Variants in ARG1 observed in about 807,000 individuals in gnomAD.
ARG1 encodes the protein arginase-1.
A neutral mutation model predicts 33.0 loss-of-function variants in ARG1; 20 were observed. The observed-to-expected ratio is 0.61, with a 90% CI of 0.43 to 0.88. The LOEUF is 0.88. Among genes scored for constraint, ARG1 ranks in the 40% least tolerant of loss-of-function variants. The probability of loss-of-function intolerance (pLI) is 0.00; values close to 1 mark genes in which losing one functional copy is unlikely to be tolerated. For synonymous variants in ARG1, 146 were observed against 140.6 expected, an observed-to-expected ratio of 1.04 and a Z score of -0.27; for missense variants, 374 against 384.7, an observed-to-expected ratio of 0.97 and a Z score of 0.23.
chr6:131,576,103 T>A (rs1773600305), intron 1 of ARG1, among the ~76,000 whole-genome samples: 1 of 152,228 alleles, frequency 6.6e-6, no homozygotes, highest in Non-Finnish European at 1.5e-5. Flanking sequence ...AGACTCAGCT[T>A]AAACAGCATT....
intron 4 of ARG1, 54 bp from the exon 5 acceptor site, chr6:131,582,567 T>G: frequency 7.3e-7 from 1 of 1,368,976 alleles, no homozygotes; most frequent in Non-Finnish European, 1.0e-6. Flanking sequence ...CCTTTGAATG[T>G]AGGATTTGTT....
intron 4 of ARG1, 80 bp downstream of exon 4, chr6:131,581,458 C>G: frequency 7.0e-7 from 1 of 1,418,620 alleles, no homozygotes. Context: ...ATGAGAAACT[C>G]CATGTTATCT....
chr6:131,581,333 G>C lies in ARG1; in HGVS notation c.420G>C (p.Leu140Phe). ...CACTGACAACCACAAGTGGAAACTT[G>C]CATGGACAACCTGTATCTTTCCTCC... ...NTPLTTTSGN[L>F]HGQPVSFLLK... The change falls in exon 4 of 8, where the codon TTG (leucine) becomes TTC (phenylalanine). Residue 140 changes from leucine (L) to phenylalanine (F), a missense_variant. By Grantham distance (22) the Leu-to-Phe change is conservative. Transcript: ENST00000368087. The C allele has an allele frequency of 6.2e-7, 1 of 1,613,858 alleles. No individual in the cohort carries two copies. The highest frequency in any genetic ancestry group is 1.3e-5 in the African/African-American group (1 of 75,024).
At chr6:131,583,645 C>A in intron 7 of ARG1, 97 bp from the exon 8 acceptor site, 1 of 1,525,670 alleles carries the variant, frequency 6.6e-7, no homozygotes, top group South Asian at 1.2e-5. Flanking sequence ...TCGGTTACTA[C>A]CTTTTTCTGT....
chr6:131,583,146 T>C lies in ARG1; in HGVS notation c.647T>C (p.Leu216Pro), dbSNP rs985150840. 1 of 1,613,780 alleles carries C rather than the reference T, an allele frequency of 6.2e-7. No individual in the cohort carries two copies. Among genetic ancestry groups the C allele is most frequent in the Non-Finnish European group, 8.5e-7 (1 of 1,179,738 alleles). The change falls in exon 6 of 8, where the codon CTC becomes CCC. Residue 216 changes from leucine to proline, a missense_variant. Transcript: ENST00000368087. Reference sequence around the variant, plus strand: ...ATTGGCAAGGTGATGGAAGAAACACTCAGCTATCTACTAGGAAGGTAGGAT... The same window carrying C: ...ATTGGCAAGGTGATGGAAGAAACACCCAGCTATCTACTAGGAAGGTAGGAT... ...LGIGKVMEET[L>P]SYLLGRKKRP...
At chr6:131,578,850 T>C (rs1165030115) in intron 2 of ARG1, among the ~76,000 whole-genome samples, 4 of 152,142 alleles carry the variant, frequency 2.6e-5, no homozygotes, top group Non-Finnish European at 5.9e-5. Flanking sequence ...CTGTTACATT[T>C]TGGTGTCTAG....
In ARG1 at chr6:131,583,129, G is replaced by A. The variant is rs760873925; in HGVS notation, c.630G>A (p.Lys210=). 7 of 1,613,958 alleles carry A rather than the reference G, an allele frequency of 4.3e-6. No homozygotes were observed. The East Asian group carries it at 1.3e-4, about 31-fold the overall frequency. The change falls in exon 6 of 8, where the codon AAG becomes AAA. Residue 210 remains lysine (K), a synonymous_variant. Transcript: ENST00000368087. Reference sequence around the variant, plus strand: ...AAGTGGACAGACTAGGAATTGGCAAGGTGATGGAAGAAACACTCAGCTATC... The same window carrying A: ...AAGTGGACAGACTAGGAATTGGCAAAGTGATGGAAGAAACACTCAGCTATC... ...MTEVDRLGIG[K]VMEETLSYLL...
intron 1 of ARG1, among the ~76,000 whole-genome samples, chr6:131,574,855 C>T (rs76645384): frequency 0.011 from 1,703 of 152,160 alleles, 33 homozygotes; most frequent in African/African-American, 0.039. Context: ...AAAAAAAAGC[C>T]CAGAGAGGTT....
Position 131,584,050 on chromosome 6 carries a change from C to T in ARG1, c.*142C>T, listed in dbSNP as rs1279216962. 3 of 919,776 alleles carry T rather than the reference C, an allele frequency of 3.3e-6. No homozygotes were observed. Among genetic ancestry groups the T allele is most frequent in the Non-Finnish European group, 4.7e-6 (3 of 632,354 alleles). 57.0% of individuals were successfully genotyped at this position (919,776 alleles called of 1,614,324 possible). A position where few individuals can be genotyped will look rare whatever the true frequency, so the allele number is the denominator to read the frequency against. ...AATTAGTATAAACTCTACAAATTCC[C>T]TCTTGGTGTAAAATTCAAGATGTGG... is the stretch of plus-strand genomic sequence containing the variant. On this transcript the variant is annotated 3_prime_UTR_variant, in exon 8 of 8. Transcript: ENST00000368087.
intron 1 of ARG1, among the ~76,000 whole-genome samples, chr6:131,573,663 C>T (rs771490800): frequency 2.6e-5 from 4 of 152,038 alleles, no homozygotes; most frequent in Non-Finnish European, 5.9e-5. Context: ...GGTTTAGTTG[C>T]TCTTGTTGTT....
rs1240820800 is a variant in ARG1 at position 131,584,315 on chromosome 6, CTCTT to C, written c.*409_*412del. The C allele has an allele frequency of 1.5e-5, 3 of 196,852 alleles. No individual in the cohort carries two copies. Among genetic ancestry groups the C allele is most frequent in the Non-Finnish European group, 3.1e-5 (3 of 95,986 alleles). The allele number at this position is 196,852 out of a possible 1,614,324, so 12.2% of individuals were successfully genotyped here. On this transcript the variant is annotated 3_prime_UTR_variant, in exon 8 of 8. Transcript: ENST00000368087. ...AAAAAATGTGATTTTTTATAATAAA[CTCTT>C]TATAACAAGATTATATTGTGTCTAC...
chr6:131,576,264 C>A (rs1024795770), intron 1 of ARG1, among the ~76,000 whole-genome samples: 26 of 152,204 alleles, frequency 1.7e-4, no homozygotes, highest in African/African-American at 6.0e-4. Flanking sequence ...TTATGAGGGA[C>A]TCAAAGTCAA....
At chr6:131,582,977 C>G in intron 5 of ARG1, 83 bp from the exon 6 acceptor site, 1 of 958,928 alleles carries the variant, frequency 1.0e-6, no homozygotes, top group Non-Finnish European at 1.6e-6. Context: ...ATATATTTTA[C>G]TATATTTATA....
chr6:131,574,691 G>C (rs572026688), intron 1 of ARG1, among the ~76,000 whole-genome samples: 1 of 152,144 alleles, frequency 6.6e-6, no homozygotes, highest in African/African-American at 2.4e-5. Flanking sequence ...GGAGGTACAA[G>C]TTTGACAAAT....
chr6:131,575,556 C>A (rs1773574339), intron 1 of ARG1, among the ~76,000 whole-genome samples: 8 of 152,090 alleles, frequency 5.3e-5, no homozygotes, highest in Admixed American at 5.2e-4. Flanking sequence ...TGCCTGGCAC[C>A]CAGGGCAAGT....
At chr6:131,574,156 T>A (rs553531190) in intron 1 of ARG1, 4 of 1,107,652 alleles carry the variant, frequency 3.6e-6, no homozygotes, top group Middle Eastern at 2.0e-4. Context: ...TTAAAGAGGA[T>A]AAAAAACAAA....
At chr6:131,577,478 G>C (rs1019890474) in intron 2 of ARG1, among the ~76,000 whole-genome samples, 6 of 152,140 alleles carry the variant, frequency 3.9e-5, no homozygotes, top group South Asian at 2.1e-4. Context: ...TAAGAGATTT[G>C]TGCTTGAATG....
At chr6:131,581,688 T>C (rs979076290) in intron 4 of ARG1, among the ~76,000 whole-genome samples, 5 of 152,338 alleles carry the variant, frequency 3.3e-5, no homozygotes, top group East Asian at 1.9e-4. Context: ...CCAAGATATA[T>C]GCCAAGCCTA....
At position 131,583,176 on chromosome 6, in the gene ARG1, TTG is replaced by T. The variant is rs780037543; in HGVS notation, c.665+19_665+20del. 10 of 1,610,246 alleles carry T rather than the reference TTG, an allele frequency of 6.2e-6. No homozygotes were observed. The South Asian group carries it at 9.9e-5, about 16-fold the overall frequency. On this transcript the variant is annotated intron_variant, in intron 6 of 7. Coordinates refer to ENST00000368087, the MANE Select transcript of ARG1 (RefSeq NM_000045.4). The stretch of plus-strand genomic sequence containing the variant: ...TATCTACTAGGAAGGTAGGATTCTT[TTG>T]TGTGTGCACACATGTGTGTGCAACA...
Sources: gnomAD v4.1 joint callset for allele counts (sites outside exome capture counted in the v4.1 genomes callset) on GRCh38, gnomAD v4.1.1 for gene constraint, MANE v1.5 for transcripts, NCBI Gene and HGNC (gene_info 2026-07-23, HGNC 2026-07-21) for gene names.